The following COBLL1 variants were observed in gnomAD, a reference collection of about 807,000 sequenced individuals.
COBLL1 encodes the protein cordon-bleu protein-like 1.
COBLL1 carries 50 observed loss-of-function variants against 94.8 expected under a neutral mutation model. The ratio of observed to expected loss-of-function variants is 0.53; its 90% confidence interval spans 0.42 to 0.67. COBLL1 has a LOEUF of 0.67. COBLL1 is among the 30% of genes least tolerant of loss of function. The pLI, the probability that COBLL1 is intolerant of heterozygous loss-of-function variation, is 0.00. For missense variants in COBLL1, 1,362 were observed against 1,348.7 expected, an observed-to-expected ratio of 1.01 and a Z score of -0.15; for synonymous variants, 448 against 473.8, an observed-to-expected ratio of 0.95 and a Z score of 0.71.
intron 2 of COBLL1, chr2:164,800,702 T>C: frequency 1.7e-6 from 1 of 605,252 alleles, no homozygotes. Flanking sequence ...ACATCCATAC[T>C]ACAAAATACT....
At chr2:164,723,871 CA>C (rs1311884147) in intron 5 of COBLL1, 1 of 152,238 alleles carries the variant, frequency 6.6e-6, no homozygotes, top group Non-Finnish European at 1.5e-5. Context: ...TGGCTCACTG[CA>C]ACCTCTGAGT....
intron 2 of COBLL1, among the ~76,000 whole-genome samples, chr2:164,783,562 C>T (rs1277861577): frequency 6.6e-6 from 1 of 151,992 alleles, no homozygotes; most frequent in African/African-American, 2.4e-5. Context: ...CTGGCCAGAC[C>T]CAAACATTAA....
chr2:164,785,539 A>T (rs968965002), intron 2 of COBLL1, among the ~76,000 whole-genome samples: 1 of 152,212 alleles, frequency 6.6e-6, no homozygotes, highest in Admixed American at 6.5e-5. Context: ...CAAGGAAAAC[A>T]ATAGGCAAAG....
At chr2:164,798,812 G>A (rs1158189452) in intron 2 of COBLL1, among the ~76,000 whole-genome samples, 2 of 151,710 alleles carry the variant, frequency 1.3e-5, no homozygotes, top group East Asian at 2.0e-4. Flanking sequence ...GAGGTCAGGA[G>A]ATCGAGACCA....
downstream of COBLL1, among the ~76,000 whole-genome samples, chr2:164,675,275 T>C (rs1558905455): frequency 6.6e-6 from 1 of 152,176 alleles, no homozygotes; most frequent in Non-Finnish European, 1.5e-5. Context: ...CACAGCACCA[T>C]GTCATAATTA....
At chr2:164,670,804 C>T (rs1428235729) in intron 1 of COBLL1, among the ~76,000 whole-genome samples, 6 of 152,122 alleles carry the variant, frequency 3.9e-5, no homozygotes, top group African/African-American at 1.4e-4. Context: ...GTGACATGCT[C>T]AGAAGAGGAA....
At chr2:164,767,099 T>G (rs1370347672) in intron 2 of COBLL1, among the ~76,000 whole-genome samples, 1 of 152,180 alleles carries the variant, frequency 6.6e-6, no homozygotes, top group Non-Finnish European at 1.5e-5. Context: ...GTGTTTAACT[T>G]ATGTACTGGT....
chr2:164,744,773 T>C (rs553305928), intron 2 of COBLL1, among the ~76,000 whole-genome samples: 1 of 152,312 alleles, frequency 6.6e-6, no homozygotes, highest in African/African-American at 2.4e-5. Flanking sequence ...AAATAATATA[T>C]CTGCTTCAAT....
At chr2:164,830,213 C>T (rs1016768091) in intron 2 of COBLL1, among the ~76,000 whole-genome samples, 1 of 152,150 alleles carries the variant, frequency 6.6e-6, no homozygotes, top group Admixed American at 6.5e-5. Flanking sequence ...TTTGTGGTAC[C>T]TTTGTGTTCA....
intron 3 of COBLL1, among the ~76,000 whole-genome samples, chr2:164,734,193 T>C (rs1222216032): frequency 1.3e-5 from 2 of 148,530 alleles, no homozygotes; most frequent in Non-Finnish European, 3.0e-5. Context: ...ATATAAAATA[T>C]CAGATGGTGT....
intron 2 of COBLL1, among the ~76,000 whole-genome samples, chr2:164,660,048 C>T (rs1389447246): frequency 1.3e-5 from 2 of 152,156 alleles, no homozygotes; most frequent in East Asian, 1.9e-4. Context: ...TAAGTGACTA[C>T]CACATGGCAT....
intron 2 of COBLL1, among the ~76,000 whole-genome samples, chr2:164,789,791 G>A (rs554719752): frequency 3.9e-5 from 6 of 152,216 alleles, no homozygotes; most frequent in African/African-American, 7.2e-5. Flanking sequence ...CCCCTTTAAC[G>A]GACATTTTGA....
At chr2:164,740,517 C>A (rs1327414079) in intron 3 of COBLL1, among the ~76,000 whole-genome samples, 1 of 152,170 alleles carries the variant, frequency 6.6e-6, no homozygotes, top group African/African-American at 2.4e-5. Context: ...TCTGGGTAAA[C>A]AACTAGGACT....
chr2:164,788,839 C>CA (rs34224594), intron 2 of COBLL1, among the ~76,000 whole-genome samples: 72,961 of 140,354 alleles, frequency 0.52, 19,488 homozygotes, highest in African/African-American at 0.72. Context: ...TATGTTTAAC[C>CA]AAAAAAAAAA....
At chr2:164,671,350 T>C (rs1282704180) in intron 1 of COBLL1, among the ~76,000 whole-genome samples, 1 of 152,186 alleles carries the variant, frequency 6.6e-6, no homozygotes, top group African/African-American at 2.4e-5. Context: ...TGATGACATG[T>C]TTCTGCTCAG....
intron 5 of COBLL1, chr2:164,723,429 T>A (rs1366635341): frequency 6.6e-6 from 1 of 152,126 alleles, no homozygotes; most frequent in Non-Finnish European, 1.5e-5. Context: ...AAAGAAACCA[T>A]GATTACTTGA....
At chr2:164,771,423 G>A (rs1225767059) in intron 2 of COBLL1, among the ~76,000 whole-genome samples, 1 of 151,906 alleles carries the variant, frequency 6.6e-6, no homozygotes, top group African/African-American at 2.4e-5. Flanking sequence ...TGTGTACTGT[G>A]TTTCAGTTCA....
intron 2 of COBLL1, among the ~76,000 whole-genome samples, chr2:164,746,472 T>G (rs1686863454): frequency 6.6e-6 from 1 of 152,100 alleles, no homozygotes; most frequent in Non-Finnish European, 1.5e-5. Context: ...CCAGAAAAGA[T>G]CTGGAGTGCT....
chr2:164,726,963 A>C, intron 5 of COBLL1: 1 of 379,358 alleles, frequency 2.6e-6, no homozygotes, highest in Non-Finnish European at 4.7e-6. Flanking sequence ...TTTTCAAGGA[A>C]ATAAAACCCA....
Sources: gnomAD v4.1 joint callset for allele counts (sites outside exome capture counted in the v4.1 genomes callset) on GRCh38, gnomAD v4.1.1 for gene constraint, MANE v1.5 for transcripts, NCBI Gene and HGNC (gene_info 2026-07-23, HGNC 2026-07-21) for gene names.